SCUBE1: variants seen among roughly 807,000 people sequenced by gnomAD.
SCUBE1 encodes the protein signal peptide, CUB domain and EGF like domain containing 1, also known as signal peptide, CUB and EGF-like domain-containing protein 1.
SCUBE1 carries 59 observed loss-of-function variants against 124.4 expected under a neutral mutation model. That is an observed-to-expected ratio of 0.47 (90% CI 0.38 to 0.59). The LOEUF is 0.59. Ranked by LOEUF, SCUBE1 falls within the 20% of genes least tolerant of loss-of-function variation. The pLI is 0.00. For synonymous variants in SCUBE1, 545 were observed against 550.9 expected, an observed-to-expected ratio of 0.99 and a Z score of 0.15; for missense variants, 1,150 against 1,371.2, an observed-to-expected ratio of 0.84 and a Z score of 2.55.
chr22:43,250,929 C>T (rs149673864), intron 6 of SCUBE1, among the ~76,000 whole-genome samples: 93 of 152,342 alleles, frequency 6.1e-4, no homozygotes, highest in African/African-American at 1.9e-3. Context: ...CCTGGGGCCC[C>T]GGACTTGGGA....
In SCUBE1 at chr22:43,334,494, C is replaced by T. The variant is rs531605940; in HGVS notation, c.220+4610G>A. On this transcript the variant is annotated intron_variant, in intron 2 of 21. Transcript: ENST00000360835. The stretch of plus-strand genomic sequence containing the variant: ...TGAACAACACTGTGATCATTGACAT[C>T]AACATAGTGACGATGATGATGATCA... Among the ~76,000 whole-genome samples the T allele has an allele frequency of 2.6e-5, 4 of 152,278 alleles. No homozygotes were observed. In the East Asian group the frequency reaches 7.7e-4, roughly 29 times the overall value.
intron 2 of SCUBE1, among the ~76,000 whole-genome samples, chr22:43,336,235 A>G (rs1033888496): frequency 4.6e-5 from 7 of 152,166 alleles, no homozygotes; most frequent in African/African-American, 1.7e-4. Context: ...AGATGTTCAC[A>G]TGAGAGGTGG....
intron 4 of SCUBE1, among the ~76,000 whole-genome samples, chr22:43,269,543 T>C (rs1381345379): frequency 1.3e-5 from 2 of 152,152 alleles, no homozygotes; most frequent in African/African-American, 4.8e-5. Flanking sequence ...CATCATTTTC[T>C]GCATCCATGT....
At chr22:43,276,935 A>T (rs773930827) in intron 4 of SCUBE1, among the ~76,000 whole-genome samples, 7 of 152,028 alleles carry the variant, frequency 4.6e-5, no homozygotes, top group Non-Finnish European at 1.0e-4. Context: ...GCTTTTCCTG[A>T]CTGCCTGCTC....
intron 4 of SCUBE1, among the ~76,000 whole-genome samples, chr22:43,269,140 C>T (rs916777054): frequency 1.4e-4 from 21 of 152,140 alleles, no homozygotes; most frequent in Admixed American, 3.9e-4. Flanking sequence ...GGGACAGCGT[C>T]GGGGAAGACG....
chr22:43,313,676 T>C (rs1399808566), intron 3 of SCUBE1, among the ~76,000 whole-genome samples: 1 of 152,222 alleles, frequency 6.6e-6, no homozygotes, highest in Admixed American at 6.5e-5. Context: ...TTCTGTTATA[T>C]TTGAGAAATT....
chr22:43,271,984 G>A (rs1924310544), intron 4 of SCUBE1, among the ~76,000 whole-genome samples: 1 of 152,134 alleles, frequency 6.6e-6, no homozygotes, highest in African/African-American at 2.4e-5. Flanking sequence ...CCTTGTGTGA[G>A]GGAGTAGGGA....
intron 12 of SCUBE1, among the ~76,000 whole-genome samples, chr22:43,222,424 C>T (rs1159296997): frequency 6.6e-6 from 1 of 152,250 alleles, no homozygotes. Context: ...AGGGCCCTCC[C>T]ACGGTCCCCT....
chr22:43,321,192 G>A (rs969081305), intron 2 of SCUBE1, among the ~76,000 whole-genome samples: 1 of 152,230 alleles, frequency 6.6e-6, no homozygotes, highest in Non-Finnish European at 1.5e-5. Flanking sequence ...CCCCTATAGT[G>A]TAGAAGAGGG....
rs1434533306 is a variant in SCUBE1, at chr22:43,291,090, A to G, written c.440T>C (p.Phe147Ser). Reference protein sequence around the residue: ...GSYECQCHSGFFLSDNQHTCI... With the variant: ...GSYECQCHSGSFLSDNQHTCI... ...GGTATGCTGGTTGTCACTAAGGAAG[A>G]AGCCACTGTGGCACTGACACTCGTA... The change falls in exon 4 of 22, where the codon TTC becomes TCC. Residue 147 changes from phenylalanine to serine, a missense_variant. Physicochemically the swap from Phe to Ser is radical, Grantham distance 155. This residue lies in a region of SCUBE1 where 337 missense variants were observed against 482.1 expected (regional missense o/e 0.70). Transcript: ENST00000360835. 1 of 1,613,562 alleles carries G rather than the reference A, an allele frequency of 6.2e-7. No homozygotes were observed.
chr22:43,253,721 C>T (rs188081551), intron 6 of SCUBE1, among the ~76,000 whole-genome samples: 6 of 124,792 alleles, frequency 4.8e-5, no homozygotes, highest in Admixed American at 1.4e-4. Flanking sequence ...CTCCTCCCCC[C>T]GCCTGCACCA....
At chr22:43,291,227 G>C in intron 3 of SCUBE1, 47 bp from the exon 4 acceptor site, 2 of 1,585,694 alleles carry the variant, frequency 1.3e-6, no homozygotes, top group Non-Finnish European at 1.7e-6. Flanking sequence ...ACCTAAGTTG[G>C]AAGCAGGGCA....
chr22:43,233,947 A>C (rs568771643), intron 7 of SCUBE1, among the ~76,000 whole-genome samples: 241 of 151,910 alleles, frequency 1.6e-3, no homozygotes, highest in African/African-American at 5.6e-3. Context: ...TGTGACCTTC[A>C]AAACAACCCA....
At chr22:43,320,850 C>T (rs1335627318) in intron 2 of SCUBE1, among the ~76,000 whole-genome samples, 7 of 152,308 alleles carry the variant, frequency 4.6e-5, no homozygotes, top group East Asian at 3.9e-4. Flanking sequence ...GATTCGAATC[C>T]GTGGGATTCA....
chr22:43,248,767 C>G (rs908073682), intron 6 of SCUBE1, among the ~76,000 whole-genome samples: 8 of 152,344 alleles, frequency 5.3e-5, no homozygotes, highest in Non-Finnish European at 1.0e-4. Flanking sequence ...CACCAGCACT[C>G]AGACCTGCCT....
At position 43,199,388 on chromosome 22, in the gene SCUBE1, A is replaced by C. The variant is rs1345191162; in HGVS notation, c.*4609T>G. 1 of 151,746 alleles carries C rather than the reference A, an allele frequency of 6.6e-6. No individual in the cohort carries two copies. The highest frequency in any genetic ancestry group is 1.5e-5 in the Non-Finnish European group (1 of 68,306). 9.4% of individuals were successfully genotyped at this position (151,746 alleles called of 1,614,324 possible). On this transcript the variant is annotated 3_prime_UTR_variant, in exon 22 of 22. Coordinates refer to ENST00000360835, the MANE Select transcript of SCUBE1 (RefSeq NM_173050.5). ...GTGCGTCTCTTAAGAACGAGCGTGC[A>C]TGAAAAGGGGGGCCATTCAGACAGA... is the stretch of plus-strand genomic sequence containing the variant.
chr22:43,266,291 C>T (rs191923686), intron 4 of SCUBE1, among the ~76,000 whole-genome samples: 7 of 152,166 alleles, frequency 4.6e-5, no homozygotes, highest in Admixed American at 2.0e-4. Context: ...GCCTCCTCCC[C>T]GAGAAGGGTG....
At chr22:43,324,716 C>T (rs1926665958) in intron 2 of SCUBE1, among the ~76,000 whole-genome samples, 1 of 151,806 alleles carries the variant, frequency 6.6e-6, no homozygotes, top group Admixed American at 6.6e-5. Context: ...CAGGCTCAGA[C>T]CACTTTTTCA....
rs1201176116 is a variant in SCUBE1 at position 43,220,569 on chromosome 22, A to G, written c.1568T>C (p.Phe523Ser). 5.6e-6 allele frequency: 9 copies of G among 1,613,968 alleles called. No homozygotes were observed. The highest frequency in any genetic ancestry group is 7.6e-6 in the Non-Finnish European group (9 of 1,179,982). The change falls in exon 14 of 22, where the codon TTC (phenylalanine) becomes TCC (serine). Residue 523 changes from phenylalanine to serine, a missense_variant. By Grantham distance (155) the Phe-to-Ser change is radical. Around this residue, in one of 3 missense-constraint regions of SCUBE1, gnomAD observed 757 missense variants for 840.9 expected, o/e 0.90. Transcript: ENST00000360835. ...QPLLDHCHVTFVTLKCDSSKK... is the reference protein window; with the variant it reads ...QPLLDHCHVTSVTLKCDSSKK... ...GGAGGAGTCACACTTGAGGGTCACG[A>G]AAGTCACATGGCAGTGGTCTGGACG...
Sources: allele counts gnomAD v4.1 joint callset (sites outside exome capture counted in the v4.1 genomes callset), GRCh38; gene constraint gnomAD v4.1.1; regional missense constraint gnomAD v4.1.1; transcripts MANE v1.5; gene names NCBI Gene and HGNC (gene_info 2026-07-23, HGNC 2026-07-21).